Variants in ITGB7 observed in about 807,000 individuals in gnomAD.
The protein encoded by ITGB7 is integrin subunit beta 7.
A neutral mutation model predicts 83.4 loss-of-function variants in ITGB7; 55 were observed. The observed-to-expected ratio is 0.66, with a 90% CI of 0.53 to 0.83. The LOEUF is 0.83. Among genes scored for constraint, ITGB7 ranks in the 40% least tolerant of loss-of-function variants. The probability of loss-of-function intolerance (pLI) is 0.00; values close to 1 mark genes in which losing one functional copy is unlikely to be tolerated. For missense variants in ITGB7, 921 were observed against 1,046.7 expected, an observed-to-expected ratio of 0.88 and a Z score of 1.66; for synonymous variants, 454 against 423.6, an observed-to-expected ratio of 1.07 and a Z score of -0.88.
chr12:53,194,592 C>A, intron 9 of ITGB7: 1 of 441,652 alleles, frequency 2.3e-6, no homozygotes, highest in Non-Finnish European at 4.2e-6. Context: ...CACTGAGGGT[C>A]ACAGGCTGGC....
intron 2 of ITGB7, 81 bp from the exon 3 acceptor site, chr12:53,200,527 T>C: frequency 1.7e-6 from 2 of 1,196,772 alleles, no homozygotes; most frequent in Middle Eastern, 2.1e-4. Context: ...TAGCTTGTGG[T>C]TATCACTCTC....
In ITGB7 at chr12:53,193,705, C is replaced by T. The variant is rs373526891; in HGVS notation, c.1502+3G>A. On this transcript the variant is annotated splice_donor_region_variant and intron_variant, in intron 11 of 15. Coordinates refer to ENST00000267082, the MANE Select transcript of ITGB7 (RefSeq NM_000889.3). ...GTGGTTGAAGGGAAGAGGAGGCCCT[C>T]ACCTGCATACACCACATTGTAGGTG... 5.0e-6 allele frequency: 8 copies of T among 1,607,188 alleles called. No individual in the cohort carries two copies. Among genetic ancestry groups the T allele is most frequent in the South Asian group, 3.3e-5 (3 of 90,152 alleles).
intron 1 of ITGB7, among the ~76,000 whole-genome samples, chr12:53,204,162 T>G (rs1430169431): frequency 6.6e-6 from 1 of 152,050 alleles, no homozygotes; most frequent in Non-Finnish European, 1.5e-5. Flanking sequence ...GGTGGATCAC[T>G]TGAGATCAGG....
In ITGB7 at chr12:53,197,905, C is replaced by T. The variant is rs1264030293; in HGVS notation, c.248G>A (p.Arg83Gln). The change falls in exon 4 of 16, where the codon CGA becomes CAA. Residue 83 changes from arginine (R) to glutamine (Q), a missense_variant. By Grantham distance (43) the Arg-to-Gln change is conservative. Coordinates refer to ENST00000267082, the MANE Select transcript of ITGB7 (RefSeq NM_000889.3). ...GCAGCCTCGAGCCAGCAGCTCCTCT[C>T]GTCGGGCGCAGCGCCGCGCCTCCGC... ...GEAEARRCAR[R>Q]EELLARGCPL... 1.3e-6 allele frequency: 2 copies of T among 1,546,046 alleles called. No individual in the cohort carries two copies. Among genetic ancestry groups the T allele is most frequent in the Non-Finnish European group, 1.7e-6 (2 of 1,153,948 alleles).
rs1455617699 is a variant in ITGB7 at position 53,194,199 on chromosome 12, G to C, written c.1307C>G (p.Thr436Arg). Residue 436 changes from threonine (T) to arginine (R), a missense_variant and splice_region_variant, in exon 10 of 16, where the codon ACG becomes AGG. By Grantham distance (71) the Thr-to-Arg change is moderately conservative (BLOSUM62 -1). Transcript: ENST00000267082. ...CTGCCTGTGCTTGCTGGCTCTCACC[G>C]TCTGGTTGATTCGGACGTGGTTGCA... ...GQCNHVRINQTVTFWVSLQAT... is the reference protein window; with the variant it reads ...GQCNHVRINQRVTFWVSLQAT... 6.2e-7 allele frequency: 1 copy of C among 1,613,814 alleles called. No homozygotes were observed. The highest frequency in any genetic ancestry group is 1.3e-5 in the African/African-American group (1 of 74,828).
intron 9 of ITGB7, chr12:53,195,157 G>A (rs890887426): frequency 4.7e-5 from 27 of 577,040 alleles, no homozygotes; most frequent in Non-Finnish European, 7.4e-5. Context: ...CTTGCCCAGA[G>A]CAGAGCTCCA....
chr12:53,205,228 C>T (rs571974483), intron 1 of ITGB7, among the ~76,000 whole-genome samples: 56 of 152,182 alleles, frequency 3.7e-4, no homozygotes, highest in African/African-American at 1.2e-3. Flanking sequence ...CTCTGTCACC[C>T]GGCTGTAGTG....
intron 9 of ITGB7, 57 bp downstream of exon 9, chr12:53,195,317 C>T (rs1356573664): frequency 1.5e-6 from 2 of 1,323,160 alleles, no homozygotes; most frequent in African/African-American, 2.9e-5. Context: ...CCAAGGGCCC[C>T]TTTCCACCTT....
rs369059548 is a variant in ITGB7, at chr12:53,195,355, C to G, written c.1161+19G>C. 5 of 1,587,148 alleles carry G rather than the reference C, an allele frequency of 3.2e-6. No individual in the cohort carries two copies. The South Asian group carries it at 5.5e-5, about 18-fold the overall frequency. On this transcript the variant is annotated intron_variant, in intron 9 of 15. Transcript: ENST00000267082. ...CCTAGTGCCCACCCTCACCATCTCC[C>G]CTTCCCCTGGCCCCTCACATTATAA...
Position 53,191,628 on chromosome 12 carries a change from A to G in ITGB7, c.2325T>C (p.Asn775=), listed in dbSNP as rs1205669121. ...TCGTGATGGCACTTTTGTAGAGAGG[A>G]TTACTGTCCTGGAGAAAGATGTTGC... ...QQQLNWKQDS[N]PLYKSAITTT... The change falls in exon 16 of 16, where the codon AAT becomes AAC. Residue 775 remains asparagine, a synonymous_variant. Coordinates refer to ENST00000267082, the MANE Select transcript of ITGB7 (RefSeq NM_000889.3). The G allele has an allele frequency of 1.2e-6, 2 of 1,613,186 alleles. No homozygotes were observed. The highest frequency in any genetic ancestry group is 1.1e-5 in the South Asian group (1 of 91,060).
intron 1 of ITGB7, chr12:53,206,554 T>G (rs1351015026): frequency 6.6e-6 from 1 of 152,430 alleles, no homozygotes; most frequent in Non-Finnish European, 1.5e-5. Context: ...CAGTCTTCCC[T>G]TCTCTCTCTG....
At position 53,193,243 on chromosome 12, in the gene ITGB7, A is replaced by T. The variant is rs1450305949; in HGVS notation, c.1623T>A (p.Gly541=). ...AGCTGCAGCGTCCACATTGACAGTG[A>T]CCCTTTCCACTGCACAGGGGCCCTG... The part of the protein sequence containing the change: ...NGTGPLCSGK[G]HCQCGRCSCS... The change falls in exon 12 of 16, where the codon GGT becomes GGA. Residue 541 remains glycine, a synonymous_variant. Transcript: ENST00000267082. 6.2e-7 allele frequency: 1 copy of T among 1,613,928 alleles called. No individual in the cohort carries two copies. Among genetic ancestry groups the T allele is most frequent in the Non-Finnish European group, 8.5e-7 (1 of 1,179,992 alleles).
chr12:53,197,942 C>G lies in ITGB7; in HGVS notation c.211G>C (p.Ala71Pro). ...CGCCGCGCCTCCGCCTCTCCCGACG[C>G]GGTGAAGTTCTGCTCAGCAAGAAAA... ...CAWCKQLNFTASGEAEARRCA... is the reference protein window; with the variant it reads ...CAWCKQLNFTPSGEAEARRCA... Residue 71 changes from alanine to proline, a missense_variant, in exon 4 of 16, where the codon GCG (alanine) becomes CCG (proline). Physicochemically the swap from Ala to Pro is conservative, Grantham distance 27. Coordinates refer to ENST00000267082, the MANE Select transcript of ITGB7 (RefSeq NM_000889.3). The G allele has an allele frequency of 6.5e-7, 1 of 1,540,418 alleles. No individual in the cohort carries two copies. Among genetic ancestry groups the G allele is most frequent in the Non-Finnish European group, 8.7e-7 (1 of 1,150,656 alleles).
chr12:53,194,353 A>G lies in ITGB7; in HGVS notation c.1162-9T>C. The G allele has an allele frequency of 1.9e-6, 3 of 1,613,850 alleles. No individual in the cohort carries two copies. The highest frequency in any genetic ancestry group is 2.5e-6 in the Non-Finnish European group (3 of 1,179,860). On this transcript the variant is annotated splice_polypyrimidine_tract_variant and intron_variant, in intron 9 of 15. Coordinates refer to ENST00000267082, the MANE Select transcript of ITGB7 (RefSeq NM_000889.3). ...ACGGTGGAAGACAGGCTCTATGGGAAGAGAGCGAGTGGATAACCACGTGAA... is the reference window on the plus strand; with the variant it reads ...ACGGTGGAAGACAGGCTCTATGGGAGGAGAGCGAGTGGATAACCACGTGAA...
At chr12:53,205,557 G>C (rs528249402) in intron 1 of ITGB7, among the ~76,000 whole-genome samples, 1 of 152,086 alleles carries the variant, frequency 6.6e-6, no homozygotes, top group Non-Finnish European at 1.5e-5. Flanking sequence ...AGCAGAGGAC[G>C]TGCAGGATAA....
intron 1 of ITGB7, among the ~76,000 whole-genome samples, chr12:53,205,851 G>A (rs1318012047): frequency 6.6e-6 from 1 of 152,168 alleles, no homozygotes; most frequent in African/African-American, 2.4e-5. Flanking sequence ...CCCACCACCT[G>A]TGACCTCAGG....
rs1942087953 is a variant in ITGB7 at position 53,194,500 on chromosome 12, AG to A, written c.1162-157del. 9 of 663,580 alleles carry A rather than the reference AG, an allele frequency of 1.4e-5. No homozygotes were observed. In the East Asian group the frequency reaches 2.5e-4, roughly 18 times the overall value. The allele number at this position is 663,580 out of a possible 1,614,324, so 41.1% of individuals were successfully genotyped here. Reference sequence around the variant, plus strand: ...GCCCAGTCGAGGCATTTCTGGAGGGAGGACCCGTGAGAACCTTGCATAGAAC... The same window carrying A: ...GCCCAGTCGAGGCATTTCTGGAGGGAGACCCGTGAGAACCTTGCATAGAAC... On this transcript the variant is annotated intron_variant, in intron 9 of 15. Transcript: ENST00000267082.
Position 53,197,917 on chromosome 12 carries a change from C to T in ITGB7, c.236G>A (p.Arg79His). The change falls in exon 4 of 16, where the codon CGC becomes CAC. Residue 79 changes from arginine (R) to histidine (H), a missense_variant. Physicochemically the swap from Arg to His is conservative, Grantham distance 29. Transcript: ENST00000267082. ...CAGCAGCTCCTCTCGTCGGGCGCAG[C>T]GCCGCGCCTCCGCCTCTCCCGACGC... ...FTASGEAEAR[R>H]CARREELLAR... 1 of 1,544,400 alleles carries T rather than the reference C, an allele frequency of 6.5e-7. No homozygotes were observed.
At chr12:53,194,778 C>G (rs932413575) in intron 9 of ITGB7, 3 of 177,306 alleles carry the variant, frequency 1.7e-5, no homozygotes. Context: ...ATCAAGAAGC[C>G]TACAGCCTAG....
Sources: gnomAD v4.1 joint callset for allele counts (sites outside exome capture counted in the v4.1 genomes callset) on GRCh38, gnomAD v4.1.1 for gene constraint, MANE v1.5 for transcripts, NCBI Gene and HGNC (gene_info 2026-07-23, HGNC 2026-07-21) for gene names.